ABCA6: variants seen among roughly 807,000 people sequenced by gnomAD.
ABCA6 encodes the protein ATP binding cassette subfamily A member 6.
A neutral mutation model predicts 191.2 loss-of-function variants in ABCA6; 164 were observed. The observed-to-expected ratio is 0.86, with a 90% CI of 0.76 to 0.98. ABCA6 has a LOEUF of 0.98. Among genes scored for constraint, ABCA6 ranks in the 50% least tolerant of loss-of-function variants. ABCA6 has a pLI of 0.00. For missense variants in ABCA6, 1,958 were observed against 1,894.1 expected (o/e 1.03, Z -0.63); for synonymous variants, 636 against 647.7 (o/e 0.98, Z 0.27).
At chr17:69,125,089 G>T in intron 8 of ABCA6, 54 bp from the exon 9 acceptor site, 2 of 984,856 alleles carry the variant, frequency 2.0e-6, no homozygotes, top group Non-Finnish European at 2.7e-6. Context: ...AAATAGCTTG[G>T]CATAGCAGGA....
intron 25 of ABCA6, among the ~76,000 whole-genome samples, chr17:69,093,428 C>T (rs576118821): frequency 6.6e-6 from 1 of 152,298 alleles, no homozygotes; most frequent in East Asian, 1.9e-4. Context: ...GTTTTTCTTG[C>T]TGTGCAGCTG....
At chr17:69,092,921 G>C (rs1243459233) in intron 25 of ABCA6, among the ~76,000 whole-genome samples, 2 of 152,188 alleles carry the variant, frequency 1.3e-5, no homozygotes, top group Non-Finnish European at 2.9e-5. Context: ...TAAATTATAA[G>C]TTATTTGTAT....
intron 10 of ABCA6, 65 bp from the exon 11 acceptor site, chr17:69,118,021 A>AAATG: frequency 4.4e-6 from 5 of 1,136,656 alleles, no homozygotes; most frequent in Non-Finnish European, 6.5e-6. Context: ...GGCCATTTAT[A>AAATG]GCCCTAGTCA....
rs974267389 is a variant in ABCA6, at chr17:69,099,979, T to C, written c.3012+818A>G. On this transcript the variant is annotated intron_variant, in intron 22 of 38. Transcript: ENST00000284425. ...CCTGCTTCTTGATGTTTCAGACTTC[T>C]GGTGTGAAACAGTTGGAGTCAGCTT... is the stretch of plus-strand genomic sequence containing the variant. Among the ~76,000 whole-genome samples the C allele has an allele frequency of 9.8e-5, 15 of 152,334 alleles. No homozygotes were observed. In the South Asian group the frequency reaches 1.7e-3, roughly 17 times the overall value.
At chr17:69,134,883 G>GTTTTATTTTT in intron 4 of ABCA6, 141 bp from the exon 5 acceptor site, 1 of 184,986 alleles carries the variant, frequency 5.4e-6, no homozygotes, top group Non-Finnish European at 8.6e-6. Flanking sequence ...TTTTGTTGTG[G>GTTTTATTTTT]TTGTCTTTTT....
At chr17:69,136,539 T>C (rs1301400787) in intron 3 of ABCA6, among the ~76,000 whole-genome samples, 1 of 152,170 alleles carries the variant, frequency 6.6e-6, no homozygotes, top group Admixed American at 6.6e-5. Flanking sequence ...CATAAGAGAA[T>C]GAGAGTACAA....
chr17:69,125,920 T>C (rs1179154848), intron 8 of ABCA6, among the ~76,000 whole-genome samples: 1 of 152,126 alleles, frequency 6.6e-6, no homozygotes, highest in East Asian at 1.9e-4. Context: ...TAAACTAAGA[T>C]GAATCTTCCT....
chr17:69,111,282 T>C (rs774258542), intron 16 of ABCA6: 13 of 160,756 alleles, frequency 8.1e-5, no homozygotes, highest in Admixed American at 3.2e-4. Flanking sequence ...TACCAGACCA[T>C]ATCATTAGCT....
intron 8 of ABCA6, 122 bp downstream of exon 8, chr17:69,128,497 C>G (rs1598055396): frequency 1.1e-5 from 7 of 656,440 alleles, no homozygotes; most frequent in Non-Finnish European, 1.6e-5. Context: ...CATTTTAAAG[C>G]TTAACTTTAG....
intron 7 of ABCA6, 51 bp from the exon 8 acceptor site, chr17:69,128,855 G>A (rs2073806774): frequency 5.0e-6 from 7 of 1,404,346 alleles, no homozygotes; most frequent in Non-Finnish European, 6.7e-6. Context: ...TTAGCTCACT[G>A]AGAATCATTG....
At chr17:69,096,039 A>G (rs1290029077) in intron 25 of ABCA6, among the ~76,000 whole-genome samples, 1 of 152,154 alleles carries the variant, frequency 6.6e-6, no homozygotes, top group African/African-American at 2.4e-5. Flanking sequence ...TTCTCCATAA[A>G]TTCTGTTCAA....
intron 36 of ABCA6, among the ~76,000 whole-genome samples, chr17:69,082,538 T>C (rs896520502): frequency 1.3e-5 from 2 of 152,178 alleles, no homozygotes; most frequent in Non-Finnish European, 2.9e-5. Flanking sequence ...TTATATATGT[T>C]AAGCGTTTAT....
chr17:69,105,416 A>G, intron 20 of ABCA6, 46 bp downstream of exon 20: 1 of 1,540,404 alleles, frequency 6.5e-7, no homozygotes, highest in Non-Finnish European at 8.8e-7. Context: ...CTATTCAACA[A>G]TAAAAATAAC....
intron 23 of ABCA6, 43 bp from the exon 24 acceptor site, chr17:69,096,844 A>T: frequency 7.0e-7 from 1 of 1,419,172 alleles, no homozygotes; most frequent in Non-Finnish European, 9.3e-7. Context: ...ATATAGATTC[A>T]ATTAAAATGC....
rs748595642 is a variant in ABCA6, at chr17:69,123,417, C to G, written c.1268-10G>C. On this transcript the variant is annotated splice_polypyrimidine_tract_variant and intron_variant, in intron 9 of 38. Transcript: ENST00000284425. ...TGGCGCTCATCTCCATCTAATTAAC[C>G]AAGAGGCAACAAAATATGATCAGTA... 1.5e-5 allele frequency: 21 copies of G among 1,447,976 alleles called. No individual in the cohort carries two copies. The highest frequency in any genetic ancestry group is 1.8e-5 in the Non-Finnish European group (19 of 1,082,968). 89.7% of individuals were successfully genotyped at this position (1,447,976 alleles called of 1,614,324 possible).
intron 15 of ABCA6, 124 bp from the exon 16 acceptor site, chr17:69,112,397 T>A: frequency 1.5e-6 from 1 of 663,438 alleles, no homozygotes. Context: ...TATAACTAGA[T>A]CTAGTGTGCA....
chr17:69,081,350 AGCATAATTATATATGTGCTCAGCTTAT>A (rs1428133593), intron 36 of ABCA6, among the ~76,000 whole-genome samples: 2 of 152,226 alleles, frequency 1.3e-5, no homozygotes, highest in Admixed American at 1.3e-4. Context: ...GTAATAACTC[AGCATAATTATATATGTGCTCAGCTTAT>A]GCAAAACCTT....
rs1712212009 is a variant in ABCA6 at position 69,136,108 on chromosome 17, C to A, written c.444G>T (p.Trp148Cys). Reference sequence around the variant, plus strand: ...GAAAGTCACCTGAGAAATCTTCTTTCCAAAGTGGACTGTTATATCCCTGGA... The same window carrying A: ...GAAAGTCACCTGAGAAATCTTCTTTACAAAGTGGACTGTTATATCCCTGGA... ...IFFQGYNSPLWKEDFSAHCWD... is the reference protein window; with the variant it reads ...IFFQGYNSPLCKEDFSAHCWD... Residue 148 changes from tryptophan to cysteine, a missense_variant, in exon 4 of 39, where the codon TGG (tryptophan) becomes TGT (cysteine). Trp to Cys is a radical substitution (Grantham distance 215). Coordinates refer to ENST00000284425, the MANE Select transcript of ABCA6 (RefSeq NM_080284.3). The A allele has an allele frequency of 6.2e-7, 1 of 1,610,150 alleles. No individual in the cohort carries two copies. Among genetic ancestry groups the A allele is most frequent in the Non-Finnish European group, 8.5e-7 (1 of 1,177,910 alleles).
chr17:69,107,770 G>A lies in ABCA6; in HGVS notation c.2315C>T (p.Thr772Ile), dbSNP rs527272000. The A allele has an allele frequency of 2.2e-5, 36 of 1,612,830 alleles. No individual in the cohort carries two copies. Among genetic ancestry groups the A allele is most frequent in the Admixed American group, 3.3e-5 (2 of 59,848 alleles). Residue 772 changes from threonine to isoleucine, a missense_variant, in exon 18 of 39, where the codon ACA (threonine) becomes ATA (isoleucine). Thr to Ile is a moderately conservative substitution (Grantham distance 89, BLOSUM62 -1). Coordinates refer to ENST00000284425, the MANE Select transcript of ABCA6 (RefSeq NM_080284.3). ...DLDKCSDQGVTGYDISMSTLN... is the reference protein window; with the variant it reads ...DLDKCSDQGVIGYDISMSTLN... ...AGTTGACATGGAAATGTCATAACCTGTCACTCCCTGGTCAGAACACTTATC... is the reference window on the plus strand; with the variant it reads ...AGTTGACATGGAAATGTCATAACCTATCACTCCCTGGTCAGAACACTTATC...
Sources: gnomAD v4.1 joint callset for allele counts (sites outside exome capture counted in the v4.1 genomes callset) on GRCh38, gnomAD v4.1.1 for gene constraint, MANE v1.5 for transcripts, NCBI Gene and HGNC (gene_info 2026-07-23, HGNC 2026-07-21) for gene names.